Variants in NANS observed in about 807,000 individuals in gnomAD.
NANS encodes N-acetylneuraminate-9-phosphate synthase.
NANS carries 29 observed loss-of-function variants against 33.3 expected under a neutral mutation model. The observed-to-expected ratio is 0.87, with a 90% CI of 0.65 to 1.19. The LOEUF (loss-of-function observed/expected upper bound fraction) is 1.19. Ranked by LOEUF, NANS falls within the 50% of genes most tolerant of loss-of-function variation. The pLI is 0.00. For synonymous variants in NANS, 163 were observed against 177.2 expected, an observed-to-expected ratio of 0.92 and a Z score of 0.64; for missense variants, 394 against 461.1, an observed-to-expected ratio of 0.85 and a Z score of 1.33.
At chr9:98,057,843 TTATC>T (rs61330453) in intron 1 of NANS, among the ~76,000 whole-genome samples, 41,388 of 149,126 alleles carry the variant, frequency 0.28, 6,149 homozygotes, top group Admixed American at 0.38. Context: ...ATTTATTTAT[TTATC>T]TATGTTAGAG....
chr9:98,064,052 C>T (rs933127597), intron 2 of NANS, among the ~76,000 whole-genome samples: 2 of 152,096 alleles, frequency 1.3e-5, no homozygotes, highest in African/African-American at 2.4e-5. Flanking sequence ...ACATGTGTGT[C>T]GACTGAGTTG....
chr9:98,076,816 C>T, intron 2 of NANS, 102 bp from the exon 3 acceptor site: 1 of 901,224 alleles, frequency 1.1e-6, no homozygotes, highest in Middle Eastern at 2.1e-4. Context: ...CCTCTACTGC[C>T]TAAGATGAGG....
rs563649207 is a variant in NANS, at chr9:98,060,955, C to T, written c.306C>T (p.Ala102=). ...AGTACAGGGAGCTGCAGAGGTACGC[C>T]GAGGAGGTTGGGATCTTCTTCACTG... ...HDQYRELQRY[A]EEVGIFFTAS... The change falls in exon 2 of 6, where the codon GCC becomes GCT. Residue 102 remains alanine (A), a synonymous_variant. Coordinates refer to ENST00000210444, the MANE Select transcript of NANS (RefSeq NM_018946.4). The T allele has an allele frequency of 1.8e-4, 283 of 1,614,074 alleles. No individual in the cohort carries two copies. The highest frequency in any genetic ancestry group is 6.7e-4 in the Middle Eastern group (4 of 6,012).
At chr9:98,061,734 C>T (rs760076410) in intron 2 of NANS, among the ~76,000 whole-genome samples, 5 of 150,666 alleles carry the variant, frequency 3.3e-5, no homozygotes, top group East Asian at 1.9e-4. Flanking sequence ...AAGCCGAGAT[C>T]GCGCCACTGC....
At position 98,061,100 on chromosome 9, in the gene NANS, CTT is replaced by C. The variant is rs1310341480; in HGVS notation, c.348+105_348+106del. 3.6e-6 allele frequency: 4 copies of C among 1,101,228 alleles called. No individual in the cohort carries two copies. In the Admixed American group the frequency reaches 8.0e-5, roughly 22 times the overall value. The allele number at this position is 1,101,228 out of a possible 1,614,324, so 68.2% of individuals were successfully genotyped here. On this transcript the variant is annotated intron_variant, in intron 2 of 5. Coordinates refer to ENST00000210444, the MANE Select transcript of NANS (RefSeq NM_018946.4). ...GGGCCACCTCCAGCCCTTGCTCATC[CTT>C]TCTGTTCCCAGCTACTGGAGAGGCT...
At chr9:98,066,844 T>A (rs1021837498) in intron 2 of NANS, among the ~76,000 whole-genome samples, 1 of 152,040 alleles carries the variant, frequency 6.6e-6, no homozygotes, top group Non-Finnish European at 1.5e-5. Context: ...GGAGACAGGG[T>A]TTCACCATGT....
rs1829504299 is a variant in NANS at position 98,074,737 on chromosome 9, A to G, written c.349-2181A>G. Reference sequence around the variant, plus strand: ...GCACTTGTCCCCCCTCCTTGCCCCGATCGCTCTGCCCCTCTCTTGGGGGGG... The same window carrying G: ...GCACTTGTCCCCCCTCCTTGCCCCGGTCGCTCTGCCCCTCTCTTGGGGGGG... On this transcript the variant is annotated intron_variant, in intron 2 of 5. Transcript: ENST00000210444. 2 of 151,900 alleles carry G rather than the reference A, an allele frequency of 1.3e-5. 1 individual carries two copies. Among genetic ancestry groups the G allele is most frequent in the South Asian group, 4.2e-4 (2 of 4,802 alleles). 9.4% of individuals were successfully genotyped at this position (151,900 alleles called of 1,614,324 possible). A position where few individuals can be genotyped will look rare whatever the true frequency, so the allele number is the denominator to read the frequency against.
intron 5 of NANS, 161 bp downstream of exon 5, chr9:98,081,243 T>G (rs1434599528): frequency 1.3e-5 from 12 of 903,062 alleles, no homozygotes; most frequent in Admixed American, 2.8e-5. Context: ...TTCTCTTCAG[T>G]AATGCATGTC....
At chr9:98,066,993 A>G (rs991881579) in intron 2 of NANS, among the ~76,000 whole-genome samples, 2 of 152,222 alleles carry the variant, frequency 1.3e-5, no homozygotes, top group East Asian at 1.9e-4. Context: ...TGGATATTGC[A>G]TATAAATAGA....
intron 3 of NANS, 191 bp from the exon 4 acceptor site, chr9:98,078,002 G>A: frequency 1.4e-6 from 1 of 709,534 alleles, no homozygotes; most frequent in Non-Finnish European, 2.3e-6. Context: ...GCAGAGGGGA[G>A]CCCACCTTTC....
chr9:98,082,965 A>G lies in NANS; in HGVS notation c.990A>G (p.Leu330=). ...ATCCTCCTGAAGACATCTTTAATCT[A>G]GTGGGCAAGAAGGTCCTGGTCACTG... is the stretch of plus-strand genomic sequence containing the variant. The part of the protein sequence containing the change: ...KGYPPEDIFN[L]VGKKVLVTVE... Residue 330 remains leucine (L), a synonymous_variant, in exon 6 of 6, where the codon CTA becomes CTG. Coordinates refer to ENST00000210444, the MANE Select transcript of NANS (RefSeq NM_018946.4). The G allele has an allele frequency of 6.2e-7, 1 of 1,614,226 alleles. No individual in the cohort carries two copies. Among genetic ancestry groups the G allele is most frequent in the Non-Finnish European group, 8.5e-7 (1 of 1,180,032 alleles).
chr9:98,080,745 T>TA (rs1829815577), intron 4 of NANS, 71 bp from the exon 5 acceptor site: 6 of 1,501,508 alleles, frequency 4.0e-6, no homozygotes, highest in Non-Finnish European at 5.3e-6. Flanking sequence ...CTCAACCAGA[T>TA]ACGCTTCACC....
chr9:98,059,537 C>T (rs576827548), intron 1 of NANS, among the ~76,000 whole-genome samples: 5 of 152,176 alleles, frequency 3.3e-5, no homozygotes, highest in Non-Finnish European at 5.9e-5. Context: ...CCCTCAGCCT[C>T]CTGAGTAGCT....
intron 2 of NANS, among the ~76,000 whole-genome samples, chr9:98,072,642 C>A (rs1829393218): frequency 6.6e-6 from 1 of 152,100 alleles, no homozygotes; most frequent in South Asian, 2.1e-4. Flanking sequence ...AACTCCTGAC[C>A]TCATGATCCA....
rs370076821 is a variant in NANS at position 98,076,905 on chromosome 9, T to G, written c.349-13T>G. ...ACAATGGTGAAAAGGAGCTCCCTCTTTGATTTTTGTAGATGGCAGTTGAAT... is the reference window on the plus strand; with the variant it reads ...ACAATGGTGAAAAGGAGCTCCCTCTGTGATTTTTGTAGATGGCAGTTGAAT... On this transcript the variant is annotated splice_polypyrimidine_tract_variant and intron_variant, in intron 2 of 5. Transcript: ENST00000210444. 1.2e-6 allele frequency: 2 copies of G among 1,603,798 alleles called. No individual in the cohort carries two copies. The highest frequency in any genetic ancestry group is 1.7e-6 in the Non-Finnish European group (2 of 1,173,740).
chr9:98,071,064 G>T (rs375278658), intron 2 of NANS, among the ~76,000 whole-genome samples: 3 of 152,066 alleles, frequency 2.0e-5, no homozygotes, highest in Non-Finnish European at 4.4e-5. Context: ...CTCCCACCTC[G>T]GCCTCCCAAA....
At chr9:98,080,633 G>A (rs955904258) in intron 4 of NANS, among the ~76,000 whole-genome samples, 183 bp from the exon 5 acceptor site, 1 of 152,302 alleles carries the variant, frequency 6.6e-6, no homozygotes, top group Admixed American at 6.5e-5. Flanking sequence ...TGCATTTACA[G>A]CAACACTCAG....
At chr9:98,069,268 T>C (rs1423559984) in intron 2 of NANS, 1 of 149,468 alleles carries the variant, frequency 6.7e-6, no homozygotes, top group African/African-American at 2.4e-5. Flanking sequence ...TCAAAAGGAA[T>C]GAACTATTTT....
chr9:98,078,705 C>T (rs1321719087), intron 4 of NANS, among the ~76,000 whole-genome samples: 1 of 151,756 alleles, frequency 6.6e-6, no homozygotes, highest in Non-Finnish European at 1.5e-5. Context: ...CATGGTGATG[C>T]GTGCCTGTGG....
Sources: gnomAD v4.1 joint callset for allele counts (sites outside exome capture counted in the v4.1 genomes callset) on GRCh38, gnomAD v4.1.1 for gene constraint, MANE v1.5 for transcripts, NCBI Gene and HGNC (gene_info 2026-07-23, HGNC 2026-07-21) for gene names.